Variants in AGBL4 observed in about 807,000 individuals in gnomAD.
AGBL4 encodes the protein AGBL carboxypeptidase 4.
Under a neutral mutation model 66.4 loss-of-function variants are expected in AGBL4, and 58 were observed. The ratio of observed to expected loss-of-function variants is 0.87; its 90% confidence interval spans 0.71 to 1.09. The LOEUF is 1.09. Ranked by LOEUF, AGBL4 falls within the 50% of genes least tolerant of loss-of-function variation. AGBL4 has a pLI of 0.00. For missense variants in AGBL4, 579 were observed against 631.0 expected, an observed-to-expected ratio of 0.92 and a Z score of 0.88; for synonymous variants, 234 against 222.9, an observed-to-expected ratio of 1.05 and a Z score of -0.44.
At chr1:49,502,814 T>C (rs2148766538) in intron 3 of AGBL4, among the ~76,000 whole-genome samples, 1 of 152,136 alleles carries the variant, frequency 6.6e-6, no homozygotes. Flanking sequence ...GGATATCTGG[T>C]GGAAGAAATT....
At chr1:48,567,744 C>T (rs1264206332) in intron 11 of AGBL4, among the ~76,000 whole-genome samples, 4 of 152,102 alleles carry the variant, frequency 2.6e-5, no homozygotes, top group Non-Finnish European at 4.4e-5. Flanking sequence ...GCAGATGGCA[C>T]GTCTTTGGCT....
intron 3 of AGBL4, among the ~76,000 whole-genome samples, chr1:49,642,212 T>C (rs1645795468): frequency 6.6e-6 from 1 of 152,008 alleles, no homozygotes; most frequent in Non-Finnish European, 1.5e-5. Flanking sequence ...GATAAAACAA[T>C]GGGCCTGGAT....
At chr1:49,381,762 G>T (rs558494053) in intron 3 of AGBL4, among the ~76,000 whole-genome samples, 1 of 148,600 alleles carries the variant, frequency 6.7e-6, no homozygotes, top group African/African-American at 2.5e-5. Flanking sequence ...AACCAAACAC[G>T]GTATATTCTC....
chr1:49,714,370 T>A lies in AGBL4; in HGVS notation c.158-16933A>T, dbSNP rs115806421. Reference sequence around the variant, plus strand: ...TCCCCCTCCAAAGCATCCACTCTTATAATTCTCCAATATCTATTATCCTAT... The same window carrying A: ...TCCCCCTCCAAAGCATCCACTCTTAAAATTCTCCAATATCTATTATCCTAT... On this transcript the variant is annotated intron_variant, in intron 2 of 13. Coordinates refer to ENST00000371839, the MANE Select transcript of AGBL4 (RefSeq NM_032785.4). Among the ~76,000 whole-genome samples, 568 of 152,044 alleles carry A rather than the reference T, an allele frequency of 3.7e-3. 2 individuals carry two copies. The highest frequency in any genetic ancestry group is 6.4e-3 in the Non-Finnish European group (435 of 67,956).
chr1:49,813,817 T>C (rs1285203885), intron 2 of AGBL4, among the ~76,000 whole-genome samples: 1 of 152,186 alleles, frequency 6.6e-6, no homozygotes, highest in Non-Finnish European at 1.5e-5. Flanking sequence ...GAGTACTTGA[T>C]ATGGTTTGGC....
intron 3 of AGBL4, among the ~76,000 whole-genome samples, chr1:49,576,924 C>T (rs1385311098): frequency 6.6e-6 from 1 of 152,184 alleles, no homozygotes; most frequent in Non-Finnish European, 1.5e-5. Flanking sequence ...CCCTGAAGGA[C>T]AGTGGTGAAG....
intron 4 of AGBL4, chr1:49,048,543 A>G (rs1644136330): frequency 6.6e-6 from 1 of 152,174 alleles, no homozygotes; most frequent in African/African-American, 2.4e-5. Flanking sequence ...ACAAACAGAA[A>G]TCTATTTGAG....
intron 6 of AGBL4, among the ~76,000 whole-genome samples, chr1:48,811,673 T>C (rs779514768): frequency 6.9e-6 from 1 of 144,100 alleles, no homozygotes; most frequent in Non-Finnish European, 1.5e-5. Flanking sequence ...TAGTTATGTG[T>C]GTCTGTCTTC....
chr1:48,712,913 C>T (rs1646990757), intron 6 of AGBL4, among the ~76,000 whole-genome samples: 3 of 152,184 alleles, frequency 2.0e-5, no homozygotes, highest in Admixed American at 2.0e-4. Context: ...ATGGCGGCCA[C>T]CCAGGAAACC....
intron 3 of AGBL4, among the ~76,000 whole-genome samples, chr1:49,596,228 C>T (rs1644850229): frequency 6.6e-6 from 1 of 152,124 alleles, no homozygotes; most frequent in South Asian, 2.1e-4. Flanking sequence ...GTGCAAGTGG[C>T]GCAATCTCGG....
intron 2 of AGBL4, among the ~76,000 whole-genome samples, chr1:49,826,163 A>G (rs1173706307): frequency 6.6e-6 from 1 of 152,162 alleles, no homozygotes; most frequent in African/African-American, 2.4e-5. Context: ...TTCAGGAAAA[A>G]TTATAAAAAT....
chr1:48,823,625 A>G (rs961595290), intron 6 of AGBL4, among the ~76,000 whole-genome samples: 3 of 152,180 alleles, frequency 2.0e-5, no homozygotes, highest in African/African-American at 7.2e-5. Flanking sequence ...CTGCTCACAC[A>G]GCACCCTGCA....
At chr1:49,934,081 G>A (rs991731934) in intron 1 of AGBL4, among the ~76,000 whole-genome samples, 1 of 151,950 alleles carries the variant, frequency 6.6e-6, no homozygotes, top group African/African-American at 2.4e-5. Flanking sequence ...CAAGGGACAA[G>A]GAAACACATA....
At chr1:49,566,702 G>A (rs1184531171) in intron 3 of AGBL4, among the ~76,000 whole-genome samples, 8 of 152,130 alleles carry the variant, frequency 5.3e-5, no homozygotes, top group Non-Finnish European at 7.3e-5. Context: ...GTGTCAGTCC[G>A]CCCCTACTGG....
At chr1:49,077,031 C>G (rs1255247108) in intron 4 of AGBL4, among the ~76,000 whole-genome samples, 2 of 152,014 alleles carry the variant, frequency 1.3e-5, no homozygotes, top group Non-Finnish European at 2.9e-5. Context: ...GTGTAAAATT[C>G]CCTACAATTT....
intron 11 of AGBL4, among the ~76,000 whole-genome samples, chr1:48,580,098 C>A (rs1438976372): frequency 1.3e-5 from 2 of 152,130 alleles, no homozygotes; most frequent in Non-Finnish European, 2.9e-5. Context: ...ACCAGTTTCA[C>A]CATCTTTAGC....
At chr1:49,272,952 A>G (rs1644092385) in intron 3 of AGBL4, among the ~76,000 whole-genome samples, 1 of 152,198 alleles carries the variant, frequency 6.6e-6, no homozygotes, top group Non-Finnish European at 1.5e-5. Context: ...TTTCCTGGGT[A>G]TTTTAGTCAG....
intron 2 of AGBL4, among the ~76,000 whole-genome samples, chr1:49,732,018 A>G (rs555679905): frequency 7.2e-5 from 11 of 152,346 alleles, no homozygotes; most frequent in Non-Finnish European, 1.2e-4. Flanking sequence ...AAGGCAGGCC[A>G]TAAGGACCTA....
intron 2 of AGBL4, among the ~76,000 whole-genome samples, chr1:49,778,935 A>G (rs1348855767): frequency 6.6e-6 from 1 of 152,204 alleles, no homozygotes; most frequent in East Asian, 1.9e-4. Context: ...AAACATGCAC[A>G]TGTATCCCCT....
Sources: gnomAD v4.1 joint callset for allele counts (sites outside exome capture counted in the v4.1 genomes callset) on GRCh38, gnomAD v4.1.1 for gene constraint, MANE v1.5 for transcripts, NCBI Gene and HGNC (gene_info 2026-07-23, HGNC 2026-07-21) for gene names.